Variants in ROBO1 observed in about 807,000 individuals in gnomAD.
The protein encoded by ROBO1 is roundabout homolog 1.
A neutral mutation model predicts 195.9 loss-of-function variants in ROBO1; 149 were observed. That is an observed-to-expected ratio of 0.76 (90% confidence interval 0.67 to 0.87). The LOEUF is 0.87. Among genes scored for constraint, ROBO1 ranks in the 40% least tolerant of loss-of-function variants. The pLI, the probability that ROBO1 is intolerant of heterozygous loss-of-function variation, is 0.00. For missense variants in ROBO1, 1,933 were observed against 2,068.3 expected (o/e 0.93, Z 1.27); for synonymous variants, 816 against 733.2 (o/e 1.11, Z -1.82).
rs571135053 is a variant in ROBO1, at chr3:79,387,984, G to C, written c.88+201840C>G. ...CAATTCTCACAGTGCTATAGGCACTGTGTGATATGGACCCATTGGAGGTGC... is the reference window on the plus strand; with the variant it reads ...CAATTCTCACAGTGCTATAGGCACTCTGTGATATGGACCCATTGGAGGTGC... On this transcript the variant is annotated intron_variant, in intron 2 of 30. Coordinates refer to ENST00000464233, the MANE Select transcript of ROBO1 (RefSeq NM_002941.4). Among the ~76,000 whole-genome samples the C allele has an allele frequency of 2.2e-3, 336 of 152,266 alleles. 2 individuals are homozygous for C. Among genetic ancestry groups the C allele is most frequent in the Middle Eastern group, 0.014 (4 of 294 alleles).
chr3:79,528,779 T>C (rs1369932723), intron 2 of ROBO1, among the ~76,000 whole-genome samples: 1 of 152,208 alleles, frequency 6.6e-6, no homozygotes, highest in Non-Finnish European at 1.5e-5. Flanking sequence ...CTGATAGAAT[T>C]TAATGTCTCT....
intron 12 of ROBO1, 61 bp from the exon 13 acceptor site, chr3:78,668,363 A>C (rs1707861358): frequency 1.3e-6 from 2 of 1,598,402 alleles, no homozygotes; most frequent in South Asian, 1.1e-5. Context: ...TAAGCGGATA[A>C]ATGCAGATAA....
chr3:78,652,481 C>T (rs1181998909), intron 18 of ROBO1, among the ~76,000 whole-genome samples: 3 of 151,690 alleles, frequency 2.0e-5, no homozygotes, highest in Admixed American at 1.3e-4. Flanking sequence ...GTGTGTGTAC[C>T]CCGACACTAA....
At chr3:78,883,809 A>C (rs535140966) in intron 4 of ROBO1, among the ~76,000 whole-genome samples, 2 of 152,086 alleles carry the variant, frequency 1.3e-5, no homozygotes, top group Non-Finnish European at 2.9e-5. Flanking sequence ...CTGACATCTA[A>C]AGTTTTTGAG....
chr3:79,551,662 C>T (rs1437630200), intron 2 of ROBO1, among the ~76,000 whole-genome samples: 1 of 152,010 alleles, frequency 6.6e-6, no homozygotes, highest in Middle Eastern at 3.4e-3. Flanking sequence ...ATGCTCCTAT[C>T]CTTGATGTAT....
At chr3:79,689,388 T>C (rs190237784) in intron 1 of ROBO1, among the ~76,000 whole-genome samples, 1 of 152,208 alleles carries the variant, frequency 6.6e-6, no homozygotes, top group East Asian at 1.9e-4. Flanking sequence ...ATACATCTTA[T>C]GTTTTATAAT....
chr3:79,170,140 C>G (rs1166061648), intron 2 of ROBO1, among the ~76,000 whole-genome samples: 5 of 151,852 alleles, frequency 3.3e-5, no homozygotes, highest in African/African-American at 1.2e-4. Flanking sequence ...GAAATATTCT[C>G]ACTAGATTAG....
intron 1 of ROBO1, among the ~76,000 whole-genome samples, chr3:79,737,299 A>C (rs922396338): frequency 3.3e-5 from 5 of 152,198 alleles, no homozygotes; most frequent in African/African-American, 1.2e-4. Flanking sequence ...GTGGAGGAGA[A>C]AGCAAATAAT....
At chr3:79,741,162 C>A (rs960321996) in intron 1 of ROBO1, among the ~76,000 whole-genome samples, 2 of 152,172 alleles carry the variant, frequency 1.3e-5, no homozygotes, top group Non-Finnish European at 2.9e-5. Flanking sequence ...GCTAGGGCTA[C>A]CTGCTGCAGG....
intron 1 of ROBO1, among the ~76,000 whole-genome samples, chr3:79,746,474 C>T (rs1457342806): frequency 6.6e-6 from 1 of 151,974 alleles, no homozygotes; most frequent in Non-Finnish European, 1.5e-5. Flanking sequence ...ACATCATCTT[C>T]TAAAACAAAC....
chr3:79,366,639 C>T, intron 2 of ROBO1, among the ~76,000 whole-genome samples: 1 of 152,156 alleles, frequency 6.6e-6, no homozygotes, highest in Non-Finnish European at 1.5e-5. Context: ...ACTTGGCCGG[C>T]ACAACACAGG....
chr3:79,001,575 TA>T (rs1270488319), intron 3 of ROBO1, among the ~76,000 whole-genome samples: 1 of 152,176 alleles, frequency 6.6e-6, no homozygotes, highest in Non-Finnish European at 1.5e-5. Context: ...TAAATTATCC[TA>T]AAGAATAGAA....
chr3:79,669,811 G>A (rs1008142932), intron 1 of ROBO1, among the ~76,000 whole-genome samples: 1 of 151,850 alleles, frequency 6.6e-6, no homozygotes, highest in African/African-American at 2.4e-5. Context: ...GGAACCATTG[G>A]AATGAAAGAC....
chr3:78,882,036 T>A (rs2036211557), intron 4 of ROBO1, among the ~76,000 whole-genome samples: 1 of 152,164 alleles, frequency 6.6e-6, no homozygotes, highest in African/African-American at 2.4e-5. Context: ...GCCTTGTTTC[T>A]CCATTTTTTT....
At chr3:79,749,582 G>C (rs1160124537) in intron 1 of ROBO1, among the ~76,000 whole-genome samples, 3 of 152,296 alleles carry the variant, frequency 2.0e-5, no homozygotes, top group Admixed American at 1.3e-4. Context: ...TCCAGGTCTA[G>C]AGTCCCCCTA....
intron 2 of ROBO1, among the ~76,000 whole-genome samples, chr3:79,565,520 C>A (rs1165754198): frequency 2.0e-5 from 3 of 151,850 alleles, no homozygotes; most frequent in African/African-American, 7.3e-5. Context: ...CCTGTATTTG[C>A]CCAAACTTGT....
At chr3:78,939,573 G>A (rs902309615) in intron 3 of ROBO1, among the ~76,000 whole-genome samples, 43 of 150,368 alleles carry the variant, frequency 2.9e-4, no homozygotes, top group African/African-American at 9.8e-4. Context: ...AGCCGAGATC[G>A]CGCCACTGCA....
chr3:79,015,808 A>T (rs1359637443), intron 3 of ROBO1, among the ~76,000 whole-genome samples: 1 of 152,266 alleles, frequency 6.6e-6, no homozygotes, highest in Non-Finnish European at 1.5e-5. Flanking sequence ...CACAAGACTT[A>T]GTACTAAGCA....
At chr3:79,735,851 A>C (rs892531174) in intron 1 of ROBO1, among the ~76,000 whole-genome samples, 1 of 148,074 alleles carries the variant, frequency 6.8e-6, no homozygotes, top group East Asian at 2.0e-4. Flanking sequence ...AGCCTGGGCG[A>C]CAGAGAGAGA....
Sources: gnomAD v4.1 joint callset for allele counts (sites outside exome capture counted in the v4.1 genomes callset) on GRCh38, gnomAD v4.1.1 for gene constraint, MANE v1.5 for transcripts, NCBI Gene and HGNC (gene_info 2026-07-23, HGNC 2026-07-21) for gene names.